NLGN1: variants seen among roughly 807,000 people sequenced by gnomAD.
NLGN1 encodes the protein neuroligin 1, also known as neuroligin-1.
Under a neutral mutation model 65.5 loss-of-function variants are expected in NLGN1, and 12 were observed. The ratio of observed to expected loss-of-function variants is 0.18; its 90% CI spans 0.12 to 0.30. NLGN1 has a LOEUF of 0.30. NLGN1 is among the 10% of genes least tolerant of loss of function. NLGN1 has a pLI of 1.00. For missense variants in NLGN1, 750 were observed against 1,007.1 expected, an observed-to-expected ratio of 0.74 and a Z score of 3.46; for synonymous variants, 350 against 359.5, an observed-to-expected ratio of 0.97 and a Z score of 0.30.
chr3:173,397,763 G>A (rs969663607), upstream of NLGN1: 2 of 152,190 alleles, frequency 1.3e-5, no homozygotes, highest in African/African-American at 2.4e-5. Context: ...GTAAGCCGAG[G>A]ATCAGGCGGC....
At chr3:174,022,830 G>A (rs1247967024) in intron 4 of NLGN1, among the ~76,000 whole-genome samples, 1 of 152,010 alleles carries the variant, frequency 6.6e-6, no homozygotes, top group East Asian at 1.9e-4. Context: ...AACCTTGCAG[G>A]ACCAAAAGGG....
At chr3:174,217,115 G>GT (rs928646733) in intron 4 of NLGN1, among the ~76,000 whole-genome samples, 1 of 151,980 alleles carries the variant, frequency 6.6e-6, no homozygotes, top group Admixed American at 6.6e-5. Flanking sequence ...TCTTTCTTCC[G>GT]TTTTCCGGTT....
At chr3:173,756,777 A>C (rs1022677694) in intron 3 of NLGN1, among the ~76,000 whole-genome samples, 2 of 151,562 alleles carry the variant, frequency 1.3e-5, no homozygotes, top group African/African-American at 2.4e-5. Flanking sequence ...AAAAAAAAAA[A>C]ACCCAGAAAC....
intron 4 of NLGN1, among the ~76,000 whole-genome samples, chr3:174,026,139 A>T (rs933250648): frequency 1.3e-5 from 2 of 152,042 alleles, no homozygotes; most frequent in East Asian, 1.9e-4. Context: ...ATTTTTATTT[A>T]TATTTTTGAG....
At chr3:173,571,996 T>C (rs1744726398) in intron 2 of NLGN1, among the ~76,000 whole-genome samples, 1 of 152,214 alleles carries the variant, frequency 6.6e-6, no homozygotes, top group Non-Finnish European at 1.5e-5. Flanking sequence ...AAAGAATAAT[T>C]TTTCCCTCTA....
At chr3:173,784,512 A>G (rs1192858119) in intron 3 of NLGN1, among the ~76,000 whole-genome samples, 2 of 152,164 alleles carry the variant, frequency 1.3e-5, no homozygotes, top group Admixed American at 1.3e-4. Flanking sequence ...GGAGAAAGAA[A>G]GATGCACACA....
chr3:174,169,389 A>G (rs1391498723), intron 4 of NLGN1, among the ~76,000 whole-genome samples: 1 of 151,856 alleles, frequency 6.6e-6, no homozygotes, highest in African/African-American at 2.4e-5. Flanking sequence ...GGCTGCTCCT[A>G]ATGCTTGAAG....
chr3:173,786,162 A>T (rs1489074462), intron 3 of NLGN1, among the ~76,000 whole-genome samples: 1 of 152,152 alleles, frequency 6.6e-6, no homozygotes, highest in African/African-American at 2.4e-5. Context: ...TTGGAGAAGC[A>T]CTTTCTAGAG....
intron 1 of NLGN1, among the ~76,000 whole-genome samples, chr3:173,425,929 G>A (rs1034615044): frequency 1.3e-5 from 2 of 151,962 alleles, no homozygotes; most frequent in Non-Finnish European, 2.9e-5. Context: ...GGGTAGTATG[G>A]ACATTTTAAC....
exon 7 of NLGN1, chr3:174,285,793 C>T (rs149396428): frequency 5.6e-4 from 85 of 151,468 alleles, no homozygotes; most frequent in African/African-American, 1.9e-3. Flanking sequence ...ATTTATAAAA[C>T]TTAGCTTTTT....
In NLGN1 at chr3:174,279,448, A is replaced by G. The variant is rs774281264; in HGVS notation, c.1447A>G (p.Thr483Ala). The G allele has an allele frequency of 1.2e-6, 2 of 1,613,228 alleles. No individual in the cohort carries two copies. The highest frequency in any genetic ancestry group is 1.7e-6 in the Non-Finnish European group (2 of 1,179,562). The change falls in exon 6 of 7, where the codon ACG becomes GCG. Residue 483 changes from threonine (T) to alanine (A), a missense_variant. Coordinates refer to ENST00000457714, the Ensembl canonical transcript of NLGN1. The surrounding 1 kb of genome is among the most constrained non-coding windows in gnomAD (Gnocchi z 4.7). Reference sequence around the variant, plus strand: ...TCTTCACTCAAACTTTGGTTCACCTACGTACTTCTATGCCTTTTACCATCA... The same window carrying G: ...TCTTCACTCAAACTTTGGTTCACCTGCGTACTTCTATGCCTTTTACCATCA...
intron 4 of NLGN1, among the ~76,000 whole-genome samples, chr3:174,273,653 G>GTTTA (rs1312823917): frequency 9.2e-5 from 14 of 151,758 alleles, no homozygotes; most frequent in African/African-American, 3.4e-4. Flanking sequence ...AGAAAAATTT[G>GTTTA]TTTATTTGAA....
chr3:173,633,564 C>G (rs1756093241), intron 3 of NLGN1, among the ~76,000 whole-genome samples: 1 of 152,050 alleles, frequency 6.6e-6, no homozygotes, highest in African/African-American at 2.4e-5. Flanking sequence ...TGGAAAGAAC[C>G]TCAGAAATAT....
intron 4 of NLGN1, among the ~76,000 whole-genome samples, chr3:174,198,953 T>C (rs932849100): frequency 2.1e-5 from 3 of 145,140 alleles, no homozygotes; most frequent in African/African-American, 7.6e-5. Flanking sequence ...GTTCAAGCAA[T>C]TCTCCTGCCT....
chr3:174,259,361 C>T (rs980223544), intron 4 of NLGN1, among the ~76,000 whole-genome samples: 5 of 152,030 alleles, frequency 3.3e-5, no homozygotes, highest in African/African-American at 1.2e-4. Flanking sequence ...ATTTCTCACA[C>T]ATCACCTCTC....
intron 1 of NLGN1, among the ~76,000 whole-genome samples, chr3:173,428,338 A>G (rs55932396): frequency 0.02 from 2,972 of 151,778 alleles, 108 homozygotes; most frequent in African/African-American, 0.068. Flanking sequence ...TTCTGGTTGT[A>G]TTGTAAGTTC....
intron 4 of NLGN1, among the ~76,000 whole-genome samples, chr3:174,113,941 G>C (rs2152625276): frequency 6.6e-6 from 1 of 152,216 alleles, no homozygotes; most frequent in East Asian, 1.9e-4. Context: ...ATTGATAACA[G>C]TAGAACTGAT....
chr3:173,632,855 T>TG (rs1755936976), intron 3 of NLGN1, among the ~76,000 whole-genome samples: 1 of 139,992 alleles, frequency 7.1e-6, no homozygotes, highest in African/African-American at 2.6e-5. Context: ...TTTTGTTTTT[T>TG]TTTTTTTTTT....
At chr3:173,584,833 G>C (rs1747076267) in intron 2 of NLGN1, 1 of 151,822 alleles carries the variant, frequency 6.6e-6, no homozygotes. Context: ...AGCAAAAAAA[G>C]AGAAAAGGAA....
Sources: allele counts gnomAD v4.1 joint callset (sites outside exome capture counted in the v4.1 genomes callset), GRCh38; gene constraint gnomAD v4.1.1; non-coding constraint Gnocchi (gnomAD v3.1); transcripts MANE v1.5; gene names NCBI Gene and HGNC (gene_info 2026-07-23, HGNC 2026-07-21).